The following RNF20 variants were observed in gnomAD, a reference collection of about 807,000 sequenced individuals.
RNF20 encodes ring finger protein 20.
RNF20 carries 84 observed loss-of-function variants against 126.2 expected under a neutral mutation model. That is an observed-to-expected ratio of 0.67 (90% CI 0.56 to 0.80). The LOEUF (loss-of-function observed/expected upper bound fraction) is 0.80, where lower values mean the gene tolerates loss of function less well. Ranked by LOEUF, RNF20 falls within the 30% of genes least tolerant of loss-of-function variation. RNF20 has a pLI of 0.00. For missense variants in RNF20, 869 were observed against 1,188.2 expected, an observed-to-expected ratio of 0.73 and a Z score of 3.95; for synonymous variants, 400 against 414.3, an observed-to-expected ratio of 0.97 and a Z score of 0.42.
rs139530108 is a variant in RNF20, at chr9:101,561,553, A to C, written c.2649+323A>C. 709 of 404,044 alleles carry C rather than the reference A, an allele frequency of 1.8e-3. 5 individuals are homozygous for C. Among genetic ancestry groups the C allele is most frequent in the African/African-American group, 0.014 (659 of 48,216 alleles). The allele number at this position is 404,044 out of a possible 1,614,324, so 25.0% of individuals were successfully genotyped here. On this transcript the variant is annotated intron_variant, in intron 18 of 19. Coordinates refer to ENST00000389120, the MANE Select transcript of RNF20 (RefSeq NM_019592.7). ...ATTTTTGTCATGCTAGCTGTTTCTC[A>C]TGATGTCTTTCTGTCTTTATCCGTA...
In RNF20 at chr9:101,554,941, T is replaced by G; in HGVS notation, c.2169+98T>G. 8 of 891,252 alleles carry G rather than the reference T, an allele frequency of 9.0e-6. 1 individual carries two copies. The South Asian group carries it at 1.5e-4, about 17-fold the overall frequency. 55.2% of individuals were successfully genotyped at this position (891,252 alleles called of 1,614,324 possible). A position where few individuals can be genotyped will look rare whatever the true frequency, so the allele number is the denominator to read the frequency against. ...TTTGCTTTTTTATTTTGGTCTTTTT[T>G]TGATTGTTAATGTGTATTTTTCCTT... On this transcript the variant is annotated intron_variant, in intron 15 of 19. Transcript: ENST00000389120.
At chr9:101,560,740 A>G in intron 16 of RNF20, 61 bp from the exon 17 acceptor site, 1 of 1,496,288 alleles carries the variant, frequency 6.7e-7, no homozygotes, top group Non-Finnish European at 9.0e-7. Context: ...GATTAACAGA[A>G]TAGTTTTTTT....
Position 101,535,507 on chromosome 9 carries a change from A to C in RNF20, c.84A>C (p.Ser28=), listed in dbSNP as rs759047828. The change falls in exon 2 of 20, where the codon TCA becomes TCC. Residue 28 remains serine (S), a synonymous_variant. Coordinates refer to ENST00000389120, the MANE Select transcript of RNF20 (RefSeq NM_019592.7). ...AGAAGAAGGCAGCTGTTGAAGATTC[A>C]GGGACCACAGTGGAAACAATTAAGC... The part of the protein sequence containing the change: ...PPEKKAAVED[S]GTTVETIKLG... The C allele has an allele frequency of 1.2e-6, 2 of 1,613,850 alleles. No homozygotes were observed. Among genetic ancestry groups the C allele is most frequent in the South Asian group, 2.2e-5 (2 of 91,054 alleles).
chr9:101,560,997 G>A (rs1827618808), intron 17 of RNF20, 71 bp downstream of exon 17: 1 of 1,597,754 alleles, frequency 6.3e-7, no homozygotes, highest in Admixed American at 1.7e-5. Context: ...GAGATTGTAA[G>A]TTCGCTTTAT....
At chr9:101,558,186 C>T (rs1246795439) in intron 16 of RNF20, among the ~76,000 whole-genome samples, 1 of 151,896 alleles carries the variant, frequency 6.6e-6, no homozygotes, top group African/African-American at 2.4e-5. Context: ...CCTTGCCTCC[C>T]TCCGCCAAGT....
chr9:101,535,228 A>G (rs1818848932), intron 1 of RNF20, among the ~76,000 whole-genome samples, 170 bp from the exon 2 acceptor site: 1 of 151,288 alleles, frequency 6.6e-6, no homozygotes, highest in African/African-American at 2.4e-5. Flanking sequence ...TTACTCTACA[A>G]TTTAATTTTT....
intron 14 of RNF20, among the ~76,000 whole-genome samples, 187 bp downstream of exon 14, chr9:101,554,292 T>C (rs1564111472): frequency 6.6e-6 from 1 of 152,248 alleles, no homozygotes; most frequent in Admixed American, 6.5e-5. Flanking sequence ...TGGTAAAATA[T>C]ATCTGAATTA....
intron 2 of RNF20, among the ~76,000 whole-genome samples, chr9:101,536,998 T>A (rs1416180276): frequency 6.6e-6 from 1 of 152,190 alleles, no homozygotes; most frequent in Non-Finnish European, 1.5e-5. Context: ...CCGCTCCAAT[T>A]GGTTGAAGGT....
intron 2 of RNF20, among the ~76,000 whole-genome samples, chr9:101,537,303 A>G (rs1827199582): frequency 6.6e-6 from 1 of 152,184 alleles, no homozygotes; most frequent in African/African-American, 2.4e-5. Flanking sequence ...CACATGAAAG[A>G]TAGGAGGGAG....
Position 101,540,572 on chromosome 9 carries a change from T to C in RNF20, c.380T>C (p.Leu127Pro), listed in dbSNP as rs1303410781. 1 of 1,614,114 alleles carries C rather than the reference T, an allele frequency of 6.2e-7. No individual in the cohort carries two copies. The highest frequency in any genetic ancestry group is 1.1e-5 in the South Asian group (1 of 91,084). Residue 127 changes from leucine to proline, a missense_variant, in exon 4 of 20, where the codon CTT (leucine) becomes CCT (proline). Around this residue, in one of 8 missense-constraint regions of RNF20, gnomAD observed 157 missense variants for 236.0 expected, o/e 0.67. Transcript: ENST00000389120. ...GACCTACTCACAGAACGAAAAGCCC[T>C]TGTTGTGCCTGAACCAGAACCAGAC... The part of the protein sequence containing the change: ...LGDLLTERKA[L>P]VVPEPEPDSD...
At position 101,544,878 on chromosome 9, in the gene RNF20, C is replaced by T. The variant is rs1827324517; in HGVS notation, c.740C>T (p.Ser247Phe). The T allele has an allele frequency of 6.2e-7, 1 of 1,602,950 alleles. No individual in the cohort carries two copies. Among genetic ancestry groups the T allele is most frequent in the South Asian group, 1.1e-5 (1 of 90,868 alleles). ...DLLQEKHRTM[S>F]QEFSKLQSKV... ...CTTCAGGAAAAGCATCGCACCATGT[C>T]TCAGGAGGTACTTAACCAAAAAGGA... The change falls in exon 6 of 20, where the codon TCT (serine) becomes TTT (phenylalanine). Residue 247 changes from serine to phenylalanine, a missense_variant. Around this residue, in one of 8 missense-constraint regions of RNF20, gnomAD observed 103 missense variants for 94.3 expected, o/e 1.09. Coordinates refer to ENST00000389120, the MANE Select transcript of RNF20 (RefSeq NM_019592.7).
At position 101,547,124 on chromosome 9, in the gene RNF20, G is replaced by T; in HGVS notation, c.895-13G>T. The T allele has an allele frequency of 6.2e-7, 1 of 1,613,512 alleles. No homozygotes were observed. Among genetic ancestry groups the T allele is most frequent in the Non-Finnish European group, 8.5e-7 (1 of 1,179,404 alleles). On this transcript the variant is annotated splice_polypyrimidine_tract_variant and intron_variant, in intron 7 of 19. Transcript: ENST00000389120. The stretch of plus-strand genomic sequence containing the variant: ...AAGAGTCTCTCACTAAAGAATCTTT[G>T]TGTTCTCTGTAGGTGAATTCCAAAG...
chr9:101,552,966 G>A (rs529419979), intron 13 of RNF20, among the ~76,000 whole-genome samples: 3 of 152,148 alleles, frequency 2.0e-5, no homozygotes, highest in Admixed American at 6.5e-5. Context: ...TCAGCAAACC[G>A]ATGATGGTAG....
At chr9:101,555,270 G>T (rs1054396111) in intron 15 of RNF20, among the ~76,000 whole-genome samples, 3 of 151,490 alleles carry the variant, frequency 2.0e-5, no homozygotes, top group Non-Finnish European at 4.4e-5. Context: ...TTTCTATGTA[G>T]TACATATACT....
chr9:101,560,357 A>AGGT (rs756582379), intron 16 of RNF20, among the ~76,000 whole-genome samples: 2 of 152,044 alleles, frequency 1.3e-5, no homozygotes, highest in Non-Finnish European at 2.9e-5. Context: ...TGAGGTTAGG[A>AGGT]GGTGGGTGTT....
chr9:101,561,459 T>G, intron 18 of RNF20: 1 of 496,236 alleles, frequency 2.0e-6, no homozygotes. Context: ...ATTAATGAAT[T>G]AGTAAATTGT....
At position 101,545,927 on chromosome 9, in the gene RNF20, G is replaced by A. The variant is rs529113867; in HGVS notation, c.748-893G>A. 5.3e-5 allele frequency among the ~76,000 whole-genome samples: 8 copies of A among 152,224 alleles called. No homozygotes were observed. In the East Asian group the frequency reaches 1.4e-3, roughly 26 times the overall value. The stretch of plus-strand genomic sequence containing the variant: ...ATGCTGCCTGTCAGCTGGGTTAATT[G>A]TCTACTGGGATACCTGCAGTTTGCC... On this transcript the variant is annotated intron_variant, in intron 6 of 19. Coordinates refer to ENST00000389120, the MANE Select transcript of RNF20 (RefSeq NM_019592.7).
rs780384555 is a variant in RNF20, at chr9:101,552,542, C to G, written c.1690C>G (p.Arg564Gly). The change falls in exon 13 of 20, where the codon CGG (arginine) becomes GGG (glycine). Residue 564 changes from arginine (R) to glycine (G), a missense_variant. Coordinates refer to ENST00000389120, the MANE Select transcript of RNF20 (RefSeq NM_019592.7). ...QEDANEIKSKRDEEERERERR... is the reference protein window; with the variant it reads ...QEDANEIKSKGDEEERERERR... ...GGATGCCAATGAAATCAAGTCTAAA[C>G]GGGATGAAGAAGAACGAGAACGAGA... 9 of 1,612,990 alleles carry G rather than the reference C, an allele frequency of 5.6e-6. No homozygotes were observed. The highest frequency in any genetic ancestry group is 7.6e-6 in the Non-Finnish European group (9 of 1,179,702).
intron 2 of RNF20, among the ~76,000 whole-genome samples, chr9:101,537,837 A>G (rs1210031970): frequency 6.6e-6 from 1 of 152,216 alleles, no homozygotes; most frequent in Non-Finnish European, 1.5e-5. Flanking sequence ...ATAATAGTTC[A>G]CTGGAGATAC....
Sources: gnomAD v4.1 joint callset for allele counts (sites outside exome capture counted in the v4.1 genomes callset) on GRCh38, gnomAD v4.1.1 for gene constraint, gnomAD v4.1.1 regional missense constraint, MANE v1.5 for transcripts, NCBI Gene and HGNC (gene_info 2026-07-23, HGNC 2026-07-21) for gene names.